DIS3L2: variants seen among roughly 807,000 people sequenced by gnomAD.
DIS3L2 encodes the protein DIS3 like 3'-5' exoribonuclease 2.
A neutral mutation model predicts 97.5 loss-of-function variants in DIS3L2; 34 were observed. That is an observed-to-expected ratio of 0.35 (90% CI 0.27 to 0.46). The LOEUF is 0.46. Ranked by LOEUF, DIS3L2 falls within the 20% of genes least tolerant of loss-of-function variation. DIS3L2 has a pLI of 1.00. For missense variants in DIS3L2, 1,038 were observed against 1,146.0 expected (o/e 0.91, Z 1.36); for synonymous variants, 435 against 445.2 (o/e 0.98, Z 0.29).
At chr2:232,253,771 T>C (rs1213053128) in intron 12 of DIS3L2, among the ~76,000 whole-genome samples, 1 of 152,142 alleles carries the variant, frequency 6.6e-6, no homozygotes, top group Non-Finnish European at 1.5e-5. Flanking sequence ...AGACAGGTTA[T>C]ATAGAAAGTT....
chr2:232,227,223 T>G (rs1692674232), intron 10 of DIS3L2, among the ~76,000 whole-genome samples: 2 of 152,202 alleles, frequency 1.3e-5, no homozygotes, highest in Admixed American at 1.3e-4. Context: ...GTGTAATCTT[T>G]TAAAATTAAA....
At chr2:232,254,673 C>A (rs932298316) in intron 12 of DIS3L2, among the ~76,000 whole-genome samples, 37 of 152,304 alleles carry the variant, frequency 2.4e-4, no homozygotes, top group African/African-American at 8.9e-4. Context: ...ATCTAATGAG[C>A]TTCTAAAATA....
At chr2:232,025,901 C>T (rs999716426) in intron 4 of DIS3L2, among the ~76,000 whole-genome samples, 3 of 152,096 alleles carry the variant, frequency 2.0e-5, no homozygotes, top group Non-Finnish European at 2.9e-5. Flanking sequence ...ATTAGGAGCC[C>T]TCATGTATGA....
At chr2:232,086,640 T>TGTGTATATATATATATATATAC (rs1696644777) in intron 5 of DIS3L2, among the ~76,000 whole-genome samples, 1 of 51,234 alleles carries the variant, frequency 2.0e-5, no homozygotes, top group Non-Finnish European at 3.7e-5. Flanking sequence ...CACATATATA[T>TGTGTATATATATATATATATAC]ATATGTATAT....
At chr2:231,963,879 C>T (rs544787324) in intron 1 of DIS3L2, among the ~76,000 whole-genome samples, 34 of 152,134 alleles carry the variant, frequency 2.2e-4, no homozygotes, top group African/African-American at 8.0e-4. Flanking sequence ...CTACCACGTT[C>T]GGCTAATTTT....
intron 20 of DIS3L2, 139 bp downstream of exon 20, chr2:232,336,013 C>T: frequency 6.6e-7 from 1 of 1,521,396 alleles, no homozygotes; most frequent in Non-Finnish European, 8.8e-7. Flanking sequence ...TAGGGCCCTC[C>T]CAGCTCACCC....
intron 6 of DIS3L2, chr2:232,087,984 G>A (rs1009732630): frequency 1.6e-5 from 7 of 430,746 alleles, no homozygotes; most frequent in Admixed American, 3.4e-5. Flanking sequence ...GCTGGTTAAC[G>A]TTGACATCTC....
At chr2:232,015,095 AC>A in intron 2 of DIS3L2, 116 bp downstream of exon 2, 2 of 948,834 alleles carry the variant, frequency 2.1e-6, no homozygotes, top group South Asian at 3.3e-5. Flanking sequence ...TCTTTTAGTG[AC>A]CTGTTAAGTA....
chr2:231,992,615 T>C (rs1047166331), intron 1 of DIS3L2, among the ~76,000 whole-genome samples: 1 of 152,140 alleles, frequency 6.6e-6, no homozygotes, highest in East Asian at 1.9e-4. Context: ...TTTTTTGTGT[T>C]ATCCCCATTG....
chr2:232,066,837 G>A (rs1695868452), intron 5 of DIS3L2, among the ~76,000 whole-genome samples: 1 of 151,810 alleles, frequency 6.6e-6, no homozygotes, highest in African/African-American at 2.4e-5. Flanking sequence ...AAATTTTTCT[G>A]TTTCTTCTTG....
chr2:232,232,291 T>G (rs569531828), intron 10 of DIS3L2, among the ~76,000 whole-genome samples: 1 of 152,232 alleles, frequency 6.6e-6, no homozygotes, highest in South Asian at 2.1e-4. Context: ...GGCTGCGTGC[T>G]CAGGGCAGCA....
chr2:232,166,997 A>G (rs1225469401), intron 9 of DIS3L2, among the ~76,000 whole-genome samples: 35 of 150,850 alleles, frequency 2.3e-4, no homozygotes, highest in Admixed American at 2.3e-3. Context: ...TGGACGATAG[A>G]GTGCGTCTCA....
chr2:231,991,111 C>T (rs1422047368), intron 1 of DIS3L2, among the ~76,000 whole-genome samples: 4 of 151,548 alleles, frequency 2.6e-5, no homozygotes, highest in African/African-American at 7.3e-5. Context: ...TTTGCCATGT[C>T]GCCCAGGCTG....
In DIS3L2 at chr2:232,034,898, G is replaced by A. The variant is rs998962750; in HGVS notation, c.366+4818G>A. 2.0e-5 allele frequency among the ~76,000 whole-genome samples: 3 copies of A among 152,208 alleles called. No individual in the cohort carries two copies. In the East Asian group the frequency reaches 5.8e-4, roughly 29 times the overall value. On this transcript the variant is annotated intron_variant, in intron 5 of 20. Transcript: ENST00000325385. ...TGTTTTACTTCCAATTATGTGGTCAGTTTTAGAATAAGTGTGATGTGGTAC... is the reference window on the plus strand; with the variant it reads ...TGTTTTACTTCCAATTATGTGGTCAATTTTAGAATAAGTGTGATGTGGTAC...
intron 5 of DIS3L2, among the ~76,000 whole-genome samples, chr2:232,030,983 G>T (rs1327599450): frequency 6.6e-6 from 1 of 151,752 alleles, no homozygotes; most frequent in African/African-American, 2.4e-5. Context: ...CTAAAAGTAT[G>T]GGCTTTTAGG....
chr2:231,995,514 C>A (rs185632892), intron 1 of DIS3L2, among the ~76,000 whole-genome samples: 2 of 152,236 alleles, frequency 1.3e-5, no homozygotes, highest in African/African-American at 4.8e-5. Flanking sequence ...CTTCAAGGGT[C>A]TGAGTTTTTT....
chr2:232,330,959 G>A (rs987811042), intron 16 of DIS3L2, among the ~76,000 whole-genome samples, 183 bp downstream of exon 16: 2 of 152,236 alleles, frequency 1.3e-5, no homozygotes, highest in Non-Finnish European at 2.9e-5. Context: ...GCAGCACCTA[G>A]GAGGGGGCAC....
chr2:232,107,582 C>T (rs1697389748), intron 6 of DIS3L2, among the ~76,000 whole-genome samples: 1 of 152,100 alleles, frequency 6.6e-6, no homozygotes, highest in Admixed American at 6.5e-5. Flanking sequence ...GCCTGTAATC[C>T]CAGCTATTCA....
intron 14 of DIS3L2, among the ~76,000 whole-genome samples, chr2:232,323,365 C>T (rs184912651): frequency 4.6e-5 from 7 of 152,338 alleles, no homozygotes; most frequent in African/African-American, 1.4e-4. Context: ...AGTCTCCTTT[C>T]GCTCCCCATT....
Sources: allele counts gnomAD v4.1 joint callset (sites outside exome capture counted in the v4.1 genomes callset), GRCh38; gene constraint gnomAD v4.1.1; transcripts MANE v1.5; gene names NCBI Gene and HGNC (gene_info 2026-07-23, HGNC 2026-07-21).